Variants in PSG9 observed in about 807,000 individuals in gnomAD.
PSG9 encodes the protein pregnancy specific beta-1-glycoprotein 9.
PSG9 carries 49 observed loss-of-function variants against 41.9 expected under a neutral mutation model. The ratio of observed to expected loss-of-function variants is 1.17; its 90% CI spans 0.93 to 1.48. The LOEUF (loss-of-function observed/expected upper bound fraction) is 1.48. Ranked by LOEUF, PSG9 falls within the 40% of genes most tolerant of loss-of-function variation. The probability of loss-of-function intolerance (pLI) is 0.00; values close to 1 mark genes in which losing one functional copy is unlikely to be tolerated. For synonymous variants in PSG9, 263 were observed against 196.8 expected (o/e 1.34, Z -2.82); for missense variants, 641 against 520.3 (o/e 1.23, Z -2.26).
rs202205298 is a variant in PSG9, at chr19:43,254,040, C to CT, written c.1244-395dup. 6.3e-5 allele frequency among the ~76,000 whole-genome samples: 9 copies of CT among 143,932 alleles called. 1 individual carries two copies. In the East Asian group the frequency reaches 7.3e-4, roughly 12 times the overall value. 94.4% of individuals were successfully genotyped at this position (143,932 alleles called of 152,430 possible). A position where few individuals can be genotyped will look rare whatever the true frequency, so the allele number is the denominator to read the frequency against. On this transcript the variant is annotated intron_variant, in intron 5 of 5. Transcript: ENST00000270077. ...ACCAGACTTGATTCTTTGCCCTTAG[C>CT]TTTTTTTTTCTCTCCCACAAGTAGT...
chr19:43,255,034 T>A (rs1473067648), intron 5 of PSG9, among the ~76,000 whole-genome samples: 1 of 141,022 alleles, frequency 7.1e-6, no homozygotes, highest in African/African-American at 2.8e-5. Context: ...AAGGCTGCAG[T>A]GAGCCGTAAT....
chr19:43,267,924 C>T lies in PSG9; in HGVS notation c.290G>A (p.Gly97Glu). ...KIIIYGPAYS[G>E]RETVYSNASL... ...TGCGTTGGAATATACTGTTTCTCTT[C>T]CACTGTATGCAGGCCCATATATAAT... is the stretch of plus-strand genomic sequence containing the variant. The change falls in exon 2 of 6, where the codon GGA becomes GAA. Residue 97 changes from glycine (G) to glutamate (E), a missense_variant. Coordinates refer to ENST00000270077, the MANE Select transcript of PSG9 (RefSeq NM_002784.5). 6.2e-7 allele frequency: 1 copy of T among 1,613,788 alleles called. No homozygotes were observed. The highest frequency in any genetic ancestry group is 1.3e-5 in the African/African-American group (1 of 74,992).
rs202030512 is a variant in PSG9 at position 43,261,801 on chromosome 19, C to T, written c.709+59G>A. The T allele has an allele frequency of 8.1e-5, 131 of 1,613,850 alleles. 1 individual carries two copies. The highest frequency in any genetic ancestry group is 2.8e-5 in the Non-Finnish European group (33 of 1,179,912). ...CCTGAGAGGGACTGAGAGGCCTGGC[C>T]TCTGGCCATGTGTATTTGGGATGGC... On this transcript the variant is annotated intron_variant, in intron 3 of 5. Transcript: ENST00000270077.
chr19:43,260,959 T>C (rs2032376273), intron 3 of PSG9, among the ~76,000 whole-genome samples: 1 of 152,208 alleles, frequency 6.6e-6, no homozygotes, highest in Non-Finnish European at 1.5e-5. Context: ...TTCCTTTTGA[T>C]GTTAATGTGA....
At chr19:43,257,434 C>T (rs3179820) in intron 5 of PSG9, 3 of 977,268 alleles carry the variant, frequency 3.1e-6, no homozygotes, top group Non-Finnish European at 1.2e-6. Context: ...GGTGAATCTC[C>T]CTATTCCTCC....
chr19:43,268,111 C>T lies in PSG9; in HGVS notation c.103G>A (p.Glu35Lys), dbSNP rs201408508. ...GGTGGCTGGGCTTCAATCGTGACTT[C>T]GGCAGTGGTGGGCGGGTTCCAGAAG... ...LNFWNPPTTAEVTIEAQPPKV... is the reference protein window; with the variant it reads ...LNFWNPPTTAKVTIEAQPPKV... The change falls in exon 2 of 6, where the codon GAA becomes AAA. Residue 35 changes from glutamate (E) to lysine (K), a missense_variant. Physicochemically the swap from Glu to Lys is moderately conservative, Grantham distance 56. Coordinates refer to ENST00000270077, the MANE Select transcript of PSG9 (RefSeq NM_002784.5). 1.3e-4 allele frequency: 205 copies of T among 1,612,438 alleles called. 1 individual carries two copies. The Admixed American group carries it at 2.1e-3, about 17-fold the overall frequency.
At chr19:43,254,052 C>A (rs1449712258) in intron 5 of PSG9, among the ~76,000 whole-genome samples, 1 of 144,382 alleles carries the variant, frequency 6.9e-6, no homozygotes, top group Admixed American at 6.9e-5. Context: ...TTTTTTTTCT[C>A]TCCCACAAGT....
chr19:43,268,145 T>A lies in PSG9; in HGVS notation c.69A>T (p.Ser23=), dbSNP rs1172368224. The change falls in exon 2 of 6, where the codon TCA becomes TCT. Residue 23 remains serine, a synonymous_variant. Transcript: ENST00000270077. ...ITWKGLLLTA[S]LLNFWNPPTT... ...TGGGCGGGTTCCAGAAGTTTAAAAG[T>A]GATGCTAGGAGGGGGAGACAGCATC... 6.2e-7 allele frequency: 1 copy of A among 1,601,368 alleles called. No homozygotes were observed. Among genetic ancestry groups the A allele is most frequent in the Non-Finnish European group, 8.5e-7 (1 of 1,173,886 alleles).
At chr19:43,261,663 A>AG (rs1379112105) in intron 3 of PSG9, among the ~76,000 whole-genome samples, 197 bp downstream of exon 3, 5 of 152,094 alleles carry the variant, frequency 3.3e-5, no homozygotes, top group African/African-American at 1.2e-4. Context: ...CTCCCATGAC[A>AG]CAGCAGCCTC....
At chr19:43,269,179 T>A (rs1969129219) in intron 1 of PSG9, among the ~76,000 whole-genome samples, 189 bp downstream of exon 1, 1 of 151,940 alleles carries the variant, frequency 6.6e-6, no homozygotes, top group Non-Finnish European at 1.5e-5. Flanking sequence ...TAATTTTTTA[T>A]ATTTTTAGGA....
In PSG9 at chr19:43,268,055, T is replaced by C. The variant is rs1969063008; in HGVS notation, c.159A>G (p.Leu53=). 1 of 1,613,686 alleles carries C rather than the reference T, an allele frequency of 6.2e-7. No homozygotes were observed. Among genetic ancestry groups the C allele is most frequent in the Admixed American group, 1.7e-5 (1 of 59,974 alleles). Residue 53 remains leucine, a synonymous_variant, in exon 2 of 6, where the codon CTA becomes CTG. Transcript: ENST00000270077. ...PKVSEGKDVL[L]LVHNLPQNLP... The stretch of plus-strand genomic sequence containing the variant: ...GATTCTGGGGCAAATTGTGGACAAG[T>C]AGAAGAACATCCTTCCCCTCAGAAA...
chr19:43,262,471 C>T (rs1968772404), intron 2 of PSG9, among the ~76,000 whole-genome samples: 1 of 152,140 alleles, frequency 6.6e-6, no homozygotes, highest in African/African-American at 2.4e-5. Flanking sequence ...AACTTGTGGT[C>T]CTCACTTGGA....
In PSG9 at chr19:43,256,858, TC is replaced by T. The variant is rs541136632; in HGVS notation, c.1243+1343del. On this transcript the variant is annotated intron_variant, in intron 5 of 5. Coordinates refer to ENST00000270077, the MANE Select transcript of PSG9 (RefSeq NM_002784.5). ...CCAGCAATTCCACTTCTGGACATACTCCCCATAGAATTGAAAGAAATTTGAA... is the reference window on the plus strand; with the variant it reads ...CCAGCAATTCCACTTCTGGACATACTCCCATAGAATTGAAAGAAATTTGAA... 3.3e-4 allele frequency among the ~76,000 whole-genome samples: 49 copies of T among 146,794 alleles called. 6 individuals carry two copies. The highest frequency in any genetic ancestry group is 1.3e-3 in the African/African-American group (49 of 38,686).
At chr19:43,265,257 A>T (rs977000816) in intron 2 of PSG9, among the ~76,000 whole-genome samples, 4 of 152,182 alleles carry the variant, frequency 2.6e-5, no homozygotes, top group African/African-American at 9.6e-5. Flanking sequence ...GAATTCTGCT[A>T]AAATGTTGTC....
intron 3 of PSG9, among the ~76,000 whole-genome samples, chr19:43,260,934 T>C (rs1314552410): frequency 6.6e-6 from 1 of 152,154 alleles, no homozygotes; most frequent in African/African-American, 2.4e-5. Flanking sequence ...GTTAAACTTA[T>C]TCCAAAATAT....
At chr19:43,255,926 T>C (rs1019784844) in intron 5 of PSG9, among the ~76,000 whole-genome samples, 4 of 146,570 alleles carry the variant, frequency 2.7e-5, no homozygotes, top group Non-Finnish European at 5.9e-5. Flanking sequence ...AGAACAGTGC[T>C]ACCCAAAGTG....
Position 43,258,194 on chromosome 19 carries a change from C to T in PSG9, c.1243+8G>A, listed in dbSNP as rs1381478682. ...ACCCTACTGCCAAGGATGCTGGGAT[C>T]CACTTACCAGAGACTTTGACTGTCA... is the stretch of plus-strand genomic sequence containing the variant. On this transcript the variant is annotated splice_region_variant and intron_variant, in intron 5 of 5. Coordinates refer to ENST00000270077, the MANE Select transcript of PSG9 (RefSeq NM_002784.5). 1.9e-6 allele frequency: 3 copies of T among 1,592,700 alleles called. No homozygotes were observed. The highest frequency in any genetic ancestry group is 1.1e-5 in the South Asian group (1 of 89,962).
At chr19:43,254,365 AG>A (rs1968372033) in intron 5 of PSG9, among the ~76,000 whole-genome samples, 2 of 146,670 alleles carry the variant, frequency 1.4e-5, no homozygotes, top group South Asian at 4.3e-4. Context: ...GTAGTAATAT[AG>A]CAGCTGACAT....
At chr19:43,264,319 C>T (rs1466315506) in intron 2 of PSG9, among the ~76,000 whole-genome samples, 1 of 152,150 alleles carries the variant, frequency 6.6e-6, no homozygotes, top group Non-Finnish European at 1.5e-5. Flanking sequence ...TATGTTGTTC[C>T]ACTTTTTCTT....
Sources: gnomAD v4.1 joint callset for allele counts (sites outside exome capture counted in the v4.1 genomes callset) on GRCh38, gnomAD v4.1.1 for gene constraint, MANE v1.5 for transcripts, NCBI Gene and HGNC (gene_info 2026-07-23, HGNC 2026-07-21) for gene names.